The following PLXNA4 variants were observed in gnomAD, a reference collection of about 807,000 sequenced individuals.
PLXNA4 encodes plexin A4, also known as plexin-A4.
PLXNA4 carries 44 observed loss-of-function variants against 191.8 expected under a neutral mutation model. The ratio of observed to expected loss-of-function variants is 0.23; its 90% confidence interval spans 0.18 to 0.29. The LOEUF (loss-of-function observed/expected upper bound fraction) is 0.29, where lower values mean the gene tolerates loss of function less well. Among genes scored for constraint, PLXNA4 ranks in the 10% least tolerant of loss-of-function variants. The probability of loss-of-function intolerance (pLI) is 1.00; values close to 1 mark genes in which losing one functional copy is unlikely to be tolerated. For missense variants in PLXNA4, 1,800 were observed against 2,488.8 expected, an observed-to-expected ratio of 0.72 and a Z score of 5.89; for synonymous variants, 1,082 against 1,009.5, an observed-to-expected ratio of 1.07 and a Z score of -1.36.
intron 7 of PLXNA4, 86 bp from the exon 8 acceptor site, chr7:132,226,346 G>C: frequency 8.4e-7 from 1 of 1,192,454 alleles, no homozygotes; most frequent in Non-Finnish European, 1.2e-6. Flanking sequence ...CTGGAAAAGG[G>C]AGCCTGCTCC....
chr7:132,431,504 T>C (rs142070120), intron 3 of PLXNA4, among the ~76,000 whole-genome samples: 1 of 151,164 alleles, frequency 6.6e-6, no homozygotes, highest in African/African-American at 2.5e-5. Context: ...GCCCCAACAC[T>C]GTGAGAGGGA....
At chr7:132,267,610 T>C (rs1799905762) in intron 4 of PLXNA4, among the ~76,000 whole-genome samples, 1 of 152,206 alleles carries the variant, frequency 6.6e-6, no homozygotes, top group African/African-American at 2.4e-5. Flanking sequence ...CATCTCATGG[T>C]ATTTAGATTC....
At chr7:132,362,842 G>A (rs1350411877) in intron 3 of PLXNA4, among the ~76,000 whole-genome samples, 1 of 152,070 alleles carries the variant, frequency 6.6e-6, no homozygotes, top group Non-Finnish European at 1.5e-5. Flanking sequence ...TGTGAAATAT[G>A]CATGCATGCT....
rs184188129 is a variant in PLXNA4 at position 132,150,515 on chromosome 7, G to A, written c.4661-1869C>T. On this transcript the variant is annotated intron_variant, in intron 25 of 31. Transcript: ENST00000321063. ...ATAGGGGTGGAGGAACAGCTTTGGG[G>A]CACAACAAAAAAAAGGAGCCAGCAT... Among the ~76,000 whole-genome samples the A allele has an allele frequency of 3.8e-4, 58 of 152,166 alleles. 1 individual carries two copies. The highest frequency in any genetic ancestry group is 2.0e-3 in the Admixed American group (30 of 15,288).
intron 29 of PLXNA4, among the ~76,000 whole-genome samples, chr7:132,141,691 G>A (rs145720560): frequency 2.6e-5 from 4 of 152,250 alleles, no homozygotes; most frequent in Non-Finnish European, 4.4e-5. Flanking sequence ...GCACTTGATG[G>A]TGGGAGTTTT....
In PLXNA4 at chr7:132,259,468, A is replaced by G. The variant is rs1174824763; in HGVS notation, c.1504-18302T>C. Reference sequence around the variant, plus strand: ...AAAAAAAAAAAAAAAAAAAAAAAAAAAAAAAGAAAAAAGGAAAAAAGAAAA... The same window carrying G: ...AAAAAAAAAAAAAAAAAAAAAAAAAGAAAAAGAAAAAAGGAAAAAAGAAAA... On this transcript the variant is annotated intron_variant, in intron 4 of 31. Transcript: ENST00000321063. Among the ~76,000 whole-genome samples the G allele has an allele frequency of 1.7e-4, 23 of 138,274 alleles. 1 individual carries two copies. The highest frequency in any genetic ancestry group is 9.2e-4 in the South Asian group (4 of 4,348). 90.7% of individuals were successfully genotyped at this position (138,274 alleles called of 152,430 possible). A position where few individuals can be genotyped will look rare whatever the true frequency, so the allele number is the denominator to read the frequency against.
At chr7:132,176,673 T>C (rs1443568630) in intron 20 of PLXNA4, among the ~76,000 whole-genome samples, 2 of 152,030 alleles carry the variant, frequency 1.3e-5, no homozygotes, top group East Asian at 3.9e-4. Context: ...AATGTCAGTG[T>C]GTATGCATGT....
Position 132,368,698 on chromosome 7 carries a change from T to C in PLXNA4, c.1372-70476A>G, listed in dbSNP as rs897484761. Reference sequence around the variant, plus strand: ...CCATGCCCGTCCCCATCAACAGTTGTAGATGAGGCTGGAGCTGAGAAGAAC... The same window carrying C: ...CCATGCCCGTCCCCATCAACAGTTGCAGATGAGGCTGGAGCTGAGAAGAAC... On this transcript the variant is annotated intron_variant, in intron 3 of 31. Coordinates refer to ENST00000321063, the MANE Select transcript of PLXNA4 (RefSeq NM_020911.2). Among the ~76,000 whole-genome samples, 47 of 152,220 alleles carry C rather than the reference T, an allele frequency of 3.1e-4. 1 individual carries two copies. Among genetic ancestry groups the C allele is most frequent in the African/African-American group, 1.0e-3 (43 of 41,532 alleles).
intron 24 of PLXNA4, among the ~76,000 whole-genome samples, chr7:132,163,128 T>C (rs1562890836): frequency 6.6e-6 from 1 of 152,114 alleles, no homozygotes; most frequent in Non-Finnish European, 1.5e-5. Flanking sequence ...CTTTTATCTT[T>C]TCATACTCCC....
chr7:132,392,470 G>C (rs929320022), intron 3 of PLXNA4, among the ~76,000 whole-genome samples: 2 of 152,144 alleles, frequency 1.3e-5, no homozygotes, highest in African/African-American at 4.8e-5. Context: ...TTCCAGGGCT[G>C]CCACTCCCTG....
chr7:132,495,055 C>T (rs1218295812), intron 2 of PLXNA4, among the ~76,000 whole-genome samples: 2 of 152,202 alleles, frequency 1.3e-5, no homozygotes, highest in Non-Finnish European at 2.9e-5. Flanking sequence ...AACTATCACC[C>T]ACTCTGACAG....
intron 4 of PLXNA4, among the ~76,000 whole-genome samples, chr7:132,292,495 T>C (rs149590222): frequency 1.6e-3 from 243 of 152,348 alleles, no homozygotes; most frequent in African/African-American, 5.7e-3. Flanking sequence ...TCCTGCCATC[T>C]CTATTTAAGT....
At chr7:132,577,964 C>T (rs1387767327), upstream of PLXNA4, among the ~76,000 whole-genome samples, 1 of 152,156 alleles carries the variant, frequency 6.6e-6, no homozygotes, top group South Asian at 2.1e-4. Context: ...GCTTGGTAAC[C>T]TGACTTTTCC....
chr7:132,212,575 C>T (rs2116908338), intron 9 of PLXNA4, among the ~76,000 whole-genome samples: 1 of 152,308 alleles, frequency 6.6e-6, no homozygotes, highest in Non-Finnish European at 1.5e-5. Flanking sequence ...AGGCCCTAAC[C>T]ATCTTAACTC....
At chr7:132,177,685 C>A (rs7807353) in intron 20 of PLXNA4, among the ~76,000 whole-genome samples, 2 of 152,170 alleles carry the variant, frequency 1.3e-5, no homozygotes, top group East Asian at 3.9e-4. Flanking sequence ...AGTCACCAAG[C>A]GCCTCCAACA....
intron 3 of PLXNA4, among the ~76,000 whole-genome samples, chr7:132,310,229 G>T (rs1259076825): frequency 1.3e-5 from 2 of 152,242 alleles, no homozygotes; most frequent in Non-Finnish European, 2.9e-5. Flanking sequence ...CAGGTGAATT[G>T]TGAAATGCTC....
At chr7:132,198,777 G>T in intron 12 of PLXNA4, 141 bp from the exon 13 acceptor site, 1 of 1,321,960 alleles carries the variant, frequency 7.6e-7, no homozygotes, top group Middle Eastern at 2.1e-4. Context: ...GGCACCCAAA[G>T]CCTGCGGTAA....
intron 1 of PLXNA4, among the ~76,000 whole-genome samples, chr7:132,564,558 G>T (rs189326814): frequency 6.6e-6 from 1 of 152,090 alleles, no homozygotes; most frequent in African/African-American, 2.4e-5. Context: ...GTATGTTGTG[G>T]CCACACTAAG....
At chr7:132,628,665 T>C (rs978968880) in intron 2 of PLXNA4, among the ~76,000 whole-genome samples, 8 of 152,162 alleles carry the variant, frequency 5.3e-5, no homozygotes, top group Non-Finnish European at 1.0e-4. Context: ...CTAGGTTAAT[T>C]TGATCTAATT....
Sources: gnomAD v4.1 joint callset for allele counts (sites outside exome capture counted in the v4.1 genomes callset) on GRCh38, gnomAD v4.1.1 for gene constraint, MANE v1.5 for transcripts, NCBI Gene and HGNC (gene_info 2026-07-23, HGNC 2026-07-21) for gene names.